AOPEP: variants seen among roughly 807,000 people sequenced by gnomAD.
AOPEP encodes the protein aminopeptidase O.
In AOPEP, 77 loss-of-function variants were observed where a neutral mutation model predicts 98.1. The ratio of observed to expected loss-of-function variants is 0.78; its 90% CI spans 0.65 to 0.95. The LOEUF is 0.95. Among genes scored for constraint, AOPEP ranks in the 40% least tolerant of loss-of-function variants. AOPEP has a pLI of 0.00. For missense variants in AOPEP, 1,024 were observed against 1,024.7 expected (o/e 1.00, Z 0.01); for synonymous variants, 346 against 365.3 (o/e 0.95, Z 0.60).
At position 94,734,031 on chromosome 9, in the gene AOPEP, A is replaced by T. The variant is rs1831172103; in HGVS notation, c.-136+7280A>T. ...ATTCCCACAAAGAACTAGAATATAA[A>T]TATTGAGATCTGAATGCCTTTTATT... On this transcript the variant is annotated intron_variant, in intron 1 of 16. Transcript: ENST00000375315. Among the ~76,000 whole-genome samples, 6 of 152,354 alleles carry T rather than the reference A, an allele frequency of 3.9e-5. No homozygotes were observed. In the South Asian group the frequency reaches 1.2e-3, roughly 32 times the overall value.
chr9:94,733,578 T>C (rs963970782), intron 1 of AOPEP, among the ~76,000 whole-genome samples: 5 of 152,176 alleles, frequency 3.3e-5, no homozygotes, highest in African/African-American at 1.2e-4. Context: ...GGTTTACACT[T>C]TTTTCTTCAG....
At chr9:94,962,224 A>T (rs2058892660) in intron 9 of AOPEP, among the ~76,000 whole-genome samples, 1 of 152,264 alleles carries the variant, frequency 6.6e-6, no homozygotes. Flanking sequence ...TGACAGCCCT[A>T]GAACATGAGC....
At chr9:94,834,296 G>A (rs939224130) in intron 5 of AOPEP, among the ~76,000 whole-genome samples, 1 of 152,204 alleles carries the variant, frequency 6.6e-6, no homozygotes, top group Non-Finnish European at 1.5e-5. Context: ...GAGAGATTGG[G>A]AGAACTGAAA....
At chr9:94,890,456 C>A (rs1449877366) in intron 5 of AOPEP, among the ~76,000 whole-genome samples, 4 of 152,174 alleles carry the variant, frequency 2.6e-5, no homozygotes, top group Admixed American at 1.3e-4. Context: ...AGCCACTATG[C>A]CTGGCTGTAT....
At chr9:94,772,121 G>A (rs990885007) in intron 2 of AOPEP, among the ~76,000 whole-genome samples, 45 of 152,146 alleles carry the variant, frequency 3.0e-4, no homozygotes, top group African/African-American at 1.1e-3. Context: ...TACTTTATAA[G>A]TCAAGCTGAC....
At chr9:94,760,883 T>G in intron 2 of AOPEP, 2 of 247,560 alleles carry the variant, frequency 8.1e-6, no homozygotes, top group East Asian at 8.2e-5. Flanking sequence ...TTGAGATCTC[T>G]GCTGGTGACT....
intron 13 of AOPEP, among the ~76,000 whole-genome samples, chr9:95,016,981 T>C (rs1044412395): frequency 7.4e-5 from 11 of 149,290 alleles, no homozygotes; most frequent in African/African-American, 2.7e-4. Flanking sequence ...CTCATGCTAT[T>C]AATTTATAAT....
At chr9:94,772,916 C>A (rs1841210793) in intron 2 of AOPEP, 86 bp from the exon 3 acceptor site, 1 of 1,294,318 alleles carries the variant, frequency 7.7e-7, no homozygotes, top group African/African-American at 1.5e-5. Context: ...GAAAGCTCAA[C>A]TTAACCTGCA....
chr9:95,041,535 T>C (rs2065311858), intron 13 of AOPEP, among the ~76,000 whole-genome samples: 1 of 151,864 alleles, frequency 6.6e-6, no homozygotes, highest in African/African-American at 2.4e-5. Context: ...TCTCACCATA[T>C]GTGTTGAATT....
intron 7 of AOPEP, among the ~76,000 whole-genome samples, chr9:94,939,866 C>A (rs921591688): frequency 6.6e-6 from 1 of 152,110 alleles, no homozygotes; most frequent in Non-Finnish European, 1.5e-5. Context: ...GGTTCTACAT[C>A]CCTGGAGTAC....
intron 11 of AOPEP, among the ~76,000 whole-genome samples, chr9:95,003,650 T>A (rs1286167164): frequency 6.6e-6 from 1 of 152,222 alleles, no homozygotes; most frequent in Non-Finnish European, 1.5e-5. Flanking sequence ...TAACTATTTA[T>A]ATATATTTCC....
chr9:94,848,134 A>G (rs2135076187), intron 5 of AOPEP, among the ~76,000 whole-genome samples: 1 of 152,262 alleles, frequency 6.6e-6, no homozygotes, highest in South Asian at 2.1e-4. Context: ...TCTCACCAGC[A>G]TATACTTGGT....
chr9:94,967,136 G>A (rs1013819909), intron 9 of AOPEP, among the ~76,000 whole-genome samples: 3 of 152,138 alleles, frequency 2.0e-5, no homozygotes, highest in African/African-American at 4.8e-5. Context: ...AAATGTGCGT[G>A]TGTGTATGTG....
At chr9:94,731,092 C>T (rs576207339) in intron 1 of AOPEP, among the ~76,000 whole-genome samples, 1 of 152,250 alleles carries the variant, frequency 6.6e-6, no homozygotes, top group Admixed American at 6.5e-5. Flanking sequence ...GAAATGACAC[C>T]AGGACTAAGG....
chr9:94,847,298 T>G (rs894301345), intron 5 of AOPEP, among the ~76,000 whole-genome samples: 10 of 152,100 alleles, frequency 6.6e-5, no homozygotes, highest in Non-Finnish European at 1.5e-4. Flanking sequence ...GAATGGATAT[T>G]GTGGAGAAGC....
intron 5 of AOPEP, among the ~76,000 whole-genome samples, chr9:94,846,456 G>A (rs974258004): frequency 2.6e-5 from 4 of 152,170 alleles, no homozygotes; most frequent in African/African-American, 7.2e-5. Context: ...CAAGAAAGTT[G>A]AGACATCAAG....
rs71366268 is a variant in AOPEP at position 94,885,348 on chromosome 9, C to CAAAAAAAAAAAAAAAA, written c.1365-38611_1365-38596dup. Among the ~76,000 whole-genome samples the CAAAAAAAAAAAAAAAA allele has an allele frequency of 4.7e-4, 17 of 35,988 alleles. 5 individuals are homozygous for CAAAAAAAAAAAAAAAA. Among genetic ancestry groups the CAAAAAAAAAAAAAAAA allele is most frequent in the Non-Finnish European group, 8.7e-4 (17 of 19,520 alleles). 23.6% of individuals were successfully genotyped at this position (35,988 alleles called of 152,430 possible). ...TGGGTGACAGAGTGAGATCCTGTCT[C>CAAAAAAAAAAAAAAAA]AAAAAAAAAAAAAAAAAAAAAAAAA... On this transcript the variant is annotated intron_variant, in intron 5 of 16. Transcript: ENST00000375315.
In AOPEP at chr9:94,767,955, C is replaced by G. The variant is rs185692395; in HGVS notation, c.798-5047C>G. Among the ~76,000 whole-genome samples the G allele has an allele frequency of 7.9e-5, 12 of 152,284 alleles. No individual in the cohort carries two copies. The East Asian group carries it at 2.1e-3, about 27-fold the overall frequency. ...AGAGAGAGTGAGTCATTGCTAAACA[C>G]TTCTTTTAGTAGTTCTGGTTCTTTG... On this transcript the variant is annotated intron_variant, in intron 2 of 16. Transcript: ENST00000375315.
chr9:94,779,117 G>A (rs574573421), intron 3 of AOPEP, among the ~76,000 whole-genome samples: 9 of 152,278 alleles, frequency 5.9e-5, no homozygotes, highest in South Asian at 4.1e-4. Flanking sequence ...GCAGATACAC[G>A]CAGCTTCTTT....
Sources: gnomAD v4.1 joint callset for allele counts (sites outside exome capture counted in the v4.1 genomes callset) on GRCh38, gnomAD v4.1.1 for gene constraint, MANE v1.5 for transcripts, NCBI Gene and HGNC (gene_info 2026-07-23, HGNC 2026-07-21) for gene names.